The following PRKN variants were observed in gnomAD, a reference collection of about 807,000 sequenced individuals.
PRKN encodes parkin RBR E3 ubiquitin protein ligase.
Under a neutral mutation model 59.5 loss-of-function variants are expected in PRKN, and 56 were observed. That is an observed-to-expected ratio of 0.94 (90% CI 0.76 to 1.18). The LOEUF (loss-of-function observed/expected upper bound fraction) is 1.18. PRKN is among the 50% of genes most tolerant of loss of function. The probability of loss-of-function intolerance (pLI) is 0.00; values close to 1 mark genes in which losing one functional copy is unlikely to be tolerated. For synonymous variants in PRKN, 250 were observed against 222.1 expected (o/e 1.13, Z -1.12); for missense variants, 657 against 596.4 (o/e 1.10, Z -1.06).
chr6:161,788,672 CAG>C (rs1202717384), intron 6 of PRKN, among the ~76,000 whole-genome samples: 42 of 141,470 alleles, frequency 3.0e-4, no homozygotes, highest in African/African-American at 1.1e-3. Context: ...GAAGTGAAGA[CAG>C]AGACTCATGT....
chr6:162,007,447 T>A (rs1430720035), intron 5 of PRKN, among the ~76,000 whole-genome samples: 1 of 152,270 alleles, frequency 6.6e-6, no homozygotes, highest in Admixed American at 6.5e-5. Flanking sequence ...GTATGACACA[T>A]GTTTCTTGAG....
intron 1 of PRKN, among the ~76,000 whole-genome samples, chr6:162,696,113 A>G (rs1037183559): frequency 1.3e-5 from 2 of 152,218 alleles, no homozygotes; most frequent in Non-Finnish European, 2.9e-5. Context: ...AACATACTAA[A>G]AAAGAGAGAG....
chr6:161,874,255 T>TAA (rs1794532160), intron 6 of PRKN, among the ~76,000 whole-genome samples: 1 of 26,162 alleles, frequency 3.8e-5, no homozygotes, highest in Non-Finnish European at 7.7e-5. Flanking sequence ...ATAATATATA[T>TAA]TATATGTAAA....
chr6:162,646,456 A>AT (rs1398101614), intron 1 of PRKN, among the ~76,000 whole-genome samples: 1 of 151,712 alleles, frequency 6.6e-6, no homozygotes, highest in Non-Finnish European at 1.5e-5. Flanking sequence ...TATTATAAAA[A>AT]TTTTTTTGTA....
intron 4 of PRKN, among the ~76,000 whole-genome samples, chr6:162,141,151 T>A (rs1221103723): frequency 4.8e-5 from 7 of 145,372 alleles, no homozygotes; most frequent in South Asian, 4.2e-4. Context: ...AATAAATAAA[T>A]AAAAATAAAA....
chr6:162,354,845 A>G (rs185070814), intron 2 of PRKN, among the ~76,000 whole-genome samples: 1 of 152,152 alleles, frequency 6.6e-6, no homozygotes, highest in Admixed American at 6.5e-5. Flanking sequence ...ATATTTTTGA[A>G]CTAAGCAAAT....
intron 1 of PRKN, among the ~76,000 whole-genome samples, chr6:162,502,180 G>A (rs1793407610): frequency 6.6e-6 from 1 of 151,938 alleles, no homozygotes; most frequent in Non-Finnish European, 1.5e-5. Flanking sequence ...CCTCTTTTTT[G>A]AGACAAGGTC....
chr6:161,916,445 A>C (rs1306068215), intron 6 of PRKN, among the ~76,000 whole-genome samples: 1 of 152,232 alleles, frequency 6.6e-6, no homozygotes, highest in Admixed American at 6.5e-5. Context: ...ATTAAGTAGA[A>C]AAATATTCTC....
chr6:162,652,776 T>C (rs988433070), intron 1 of PRKN, among the ~76,000 whole-genome samples: 1 of 151,934 alleles, frequency 6.6e-6, no homozygotes, highest in Non-Finnish European at 1.5e-5. Context: ...CACTTCCTCT[T>C]TATTAAAAAA....
intron 1 of PRKN, among the ~76,000 whole-genome samples, chr6:162,631,486 T>C (rs1179846278): frequency 2.6e-5 from 4 of 152,184 alleles, no homozygotes; most frequent in Non-Finnish European, 5.9e-5. Context: ...AGCTTGCATG[T>C]ATTCTTTTGT....
intron 4 of PRKN, among the ~76,000 whole-genome samples, chr6:162,154,991 CA>C (rs796724269): frequency 6.8e-6 from 1 of 147,392 alleles, no homozygotes. Context: ...CAAAAAAATT[CA>C]AAAAAAGCAC....
intron 6 of PRKN, among the ~76,000 whole-genome samples, chr6:161,855,082 C>CAAAAAA (rs1203185737): frequency 2.2e-5 from 1 of 45,614 alleles, no homozygotes; most frequent in Non-Finnish European, 4.6e-5. Context: ...GACTTCATCT[C>CAAAAAA]AAAAAAAAAA....
chr6:162,150,907 T>C (rs531191716), intron 4 of PRKN, among the ~76,000 whole-genome samples: 2 of 152,298 alleles, frequency 1.3e-5, no homozygotes, highest in East Asian at 1.9e-4. Flanking sequence ...CAATTCATGG[T>C]CGTTGAATAC....
chr6:162,640,045 C>G (rs542489424), intron 1 of PRKN, among the ~76,000 whole-genome samples: 1 of 152,198 alleles, frequency 6.6e-6, no homozygotes, highest in Non-Finnish European at 1.5e-5. Flanking sequence ...TGGGTGAATT[C>G]TTCTCTTCTT....
chr6:161,829,543 T>C lies in PRKN; in HGVS notation c.735-43635A>G, dbSNP rs376501490. 5.6e-4 allele frequency among the ~76,000 whole-genome samples: 85 copies of C among 152,274 alleles called. 3 individuals carry two copies. The South Asian group carries it at 0.015, about 27-fold the overall frequency. ...CTGACATGAATTGAAACAGGTTTCC[T>C]GAGGTCTCTTTGGCCTAGAGAGCCC... is the stretch of plus-strand genomic sequence containing the variant. On this transcript the variant is annotated intron_variant, in intron 6 of 11. Transcript: ENST00000366898.
In PRKN at chr6:161,413,144, G is replaced by A. The variant is rs564407512; in HGVS notation, c.1084-26267C>T. Among the ~76,000 whole-genome samples, 48 of 152,290 alleles carry A rather than the reference G, an allele frequency of 3.2e-4. 1 individual carries two copies. The highest frequency in any genetic ancestry group is 1.7e-3 in the Admixed American group (26 of 15,302). The stretch of plus-strand genomic sequence containing the variant: ...TAAATAACACCAGGAGGTCAAGTAC[G>A]TGGAAGTCTGAGGGGCGGAGGAATG... On this transcript the variant is annotated intron_variant, in intron 9 of 11. Coordinates refer to ENST00000366898, the MANE Select transcript of PRKN (RefSeq NM_004562.3). This position sits in a 1 kb window ranked among gnomAD's most constrained non-coding sequence, Gnocchi z 4.4.
At chr6:161,557,507 CATT>C (rs1780281538) in intron 8 of PRKN, among the ~76,000 whole-genome samples, 1 of 152,084 alleles carries the variant, frequency 6.6e-6, no homozygotes, top group Non-Finnish European at 1.5e-5. Context: ...ATGTTAAGTA[CATT>C]AAAGGAACAT....
In PRKN at chr6:161,467,165, T is replaced by C. The variant is rs1790520421; in HGVS notation, c.1084-80288A>G. 6.6e-6 allele frequency among the ~76,000 whole-genome samples: 1 copy of C among 152,182 alleles called. No homozygotes were observed. The highest frequency in any genetic ancestry group is 1.5e-5 in the Non-Finnish European group (1 of 68,036). ...GGGAGCCATTTGTGCTGACGAATAG[T>C]TGTTTTTTTCAATGTACTGGGAAAG... is the stretch of plus-strand genomic sequence containing the variant. On this transcript the variant is annotated intron_variant, in intron 9 of 11. Coordinates refer to ENST00000366898, the MANE Select transcript of PRKN (RefSeq NM_004562.3). This position sits in a 1 kb window ranked among gnomAD's most constrained non-coding sequence, Gnocchi z 4.3.
At chr6:162,305,949 T>A (rs1377693791) in intron 2 of PRKN, among the ~76,000 whole-genome samples, 1 of 152,154 alleles carries the variant, frequency 6.6e-6, no homozygotes. Flanking sequence ...TCTTTTCTTT[T>A]ACATGTTTTA....
Sources: gnomAD v4.1 joint callset for allele counts (sites outside exome capture counted in the v4.1 genomes callset) on GRCh38, gnomAD v4.1.1 for gene constraint, Gnocchi (gnomAD v3.1) non-coding constraint, MANE v1.5 for transcripts, NCBI Gene and HGNC (gene_info 2026-07-23, HGNC 2026-07-21) for gene names.